Variants in MYLK observed in about 807,000 individuals in gnomAD.
MYLK encodes the protein myosin light chain kinase, smooth muscle.
MYLK carries 106 observed loss-of-function variants against 203.4 expected under a neutral mutation model. The ratio of observed to expected loss-of-function variants is 0.52; its 90% confidence interval spans 0.45 to 0.61. The LOEUF (loss-of-function observed/expected upper bound fraction) is 0.61. Ranked by LOEUF, MYLK falls within the 20% of genes least tolerant of loss-of-function variation. MYLK has a pLI of 0.00. For missense variants in MYLK, 2,072 were observed against 2,442.3 expected, an observed-to-expected ratio of 0.85 and a Z score of 3.20; for synonymous variants, 867 against 959.5, an observed-to-expected ratio of 0.90 and a Z score of 1.78.
At chr3:123,702,969 A>G (rs575961606) in intron 16 of MYLK, among the ~76,000 whole-genome samples, 18 of 152,302 alleles carry the variant, frequency 1.2e-4, no homozygotes, top group Admixed American at 1.0e-3. Context: ...CTGGTCTGGG[A>G]CATGTGTGTG....
In MYLK at chr3:123,614,241, C is replaced by A. The variant is rs759672855; in HGVS notation, c.5609G>T (p.Ser1870Ile). The A allele has an allele frequency of 6.2e-7, 1 of 1,614,122 alleles. No individual in the cohort carries two copies. The highest frequency in any genetic ancestry group is 2.2e-5 in the East Asian group (1 of 44,882). The change falls in exon 34 of 34, where the codon AGT becomes ATT. Residue 1870 changes from serine (S) to isoleucine (I), a missense_variant. By Grantham distance (142) the Ser-to-Ile change is moderately radical. Coordinates refer to ENST00000360304, the MANE Select transcript of MYLK (RefSeq NM_053025.4). ...GGCATCGTCATCCCCGCAAACATCA[C>A]TAATAATTAAAGAGCAGTTCCCGTC... is the stretch of plus-strand genomic sequence containing the variant. The part of the protein sequence containing the change: ...DEDGNCSLII[S>I]DVCGDDDAKY...
At chr3:123,777,775 C>T (rs1318640128) in intron 4 of MYLK, among the ~76,000 whole-genome samples, 2 of 152,182 alleles carry the variant, frequency 1.3e-5, no homozygotes, top group African/African-American at 4.8e-5. Context: ...CAAAAAGCAT[C>T]TCCTGCCACC....
chr3:123,655,398 T>C lies in MYLK; in HGVS notation c.4288+1728A>G, dbSNP rs115749780. On this transcript the variant is annotated intron_variant, in intron 24 of 33. Coordinates refer to ENST00000360304, the MANE Select transcript of MYLK (RefSeq NM_053025.4). The stretch of plus-strand genomic sequence containing the variant: ...GGTATTGACTTTCTCTACCACACTC[T>C]CTGTAACCTTATCAATGCCCATGGT... Among the ~76,000 whole-genome samples the C allele has an allele frequency of 6.3e-3, 963 of 152,300 alleles. 14 individuals are homozygous for C. The highest frequency in any genetic ancestry group is 0.021 in the African/African-American group (876 of 41,562).
At chr3:123,808,466 C>T (rs1021944869) in intron 3 of MYLK, among the ~76,000 whole-genome samples, 1 of 152,154 alleles carries the variant, frequency 6.6e-6, no homozygotes, top group Non-Finnish European at 1.5e-5. Context: ...TTTTATATTA[C>T]AACCAAAAAA....
chr3:123,798,224 T>C (rs2065061035), intron 3 of MYLK, among the ~76,000 whole-genome samples: 1 of 151,984 alleles, frequency 6.6e-6, no homozygotes. Flanking sequence ...GTCACACAGC[T>C]AAAAAGTGAA....
intron 12 of MYLK, among the ~76,000 whole-genome samples, chr3:123,723,712 G>C (rs1275948900): frequency 1.3e-5 from 2 of 152,212 alleles, no homozygotes; most frequent in African/African-American, 2.4e-5. Flanking sequence ...ACTAAAGTTA[G>C]CAGCCAAGGA....
At chr3:123,757,503 G>A (rs1203256435) in intron 4 of MYLK, among the ~76,000 whole-genome samples, 4 of 152,172 alleles carry the variant, frequency 2.6e-5, no homozygotes, top group African/African-American at 9.7e-5. Flanking sequence ...AGGAACTGAG[G>A]CTCTGCCCAC....
intron 19 of MYLK, among the ~76,000 whole-genome samples, chr3:123,688,281 T>C (rs1346127712): frequency 6.6e-6 from 1 of 152,138 alleles, no homozygotes; most frequent in Admixed American, 6.5e-5. Context: ...ACAGGACCGC[T>C]TGAGAGGTCA....
intron 3 of MYLK, among the ~76,000 whole-genome samples, chr3:123,794,329 G>A (rs891457124): frequency 1.3e-5 from 2 of 152,224 alleles, no homozygotes; most frequent in African/African-American, 4.8e-5. Flanking sequence ...CATACTCCAA[G>A]AGAGGAAGGT....
chr3:123,802,273 T>C (rs2065223269), intron 3 of MYLK, among the ~76,000 whole-genome samples: 2 of 152,248 alleles, frequency 1.3e-5, no homozygotes, highest in Non-Finnish European at 2.9e-5. Flanking sequence ...TTGAGTGACT[T>C]GGATCCAGGT....
chr3:123,738,982 C>G lies in MYLK; in HGVS notation c.503G>C (p.Gly168Ala). The G allele has an allele frequency of 6.2e-7, 1 of 1,613,686 alleles. No individual in the cohort carries two copies. The highest frequency in any genetic ancestry group is 8.5e-7 in the Non-Finnish European group (1 of 1,179,868). ...ECPPKFATKL[G>A]RVVVKEGQMG... ...CTGTCCTTCTTTGACCACAACTCGGCCCAGCTTGGTAGCAAACTTTGGTGG... is the reference window on the plus strand; with the variant it reads ...CTGTCCTTCTTTGACCACAACTCGGGCCAGCTTGGTAGCAAACTTTGGTGG... Residue 168 changes from glycine (G) to alanine (A), a missense_variant, in exon 7 of 34, where the codon GGC becomes GCC. Gly to Ala is a moderately conservative substitution (Grantham distance 60, BLOSUM62 0). Coordinates refer to ENST00000360304, the MANE Select transcript of MYLK (RefSeq NM_053025.4).
intron 13 of MYLK, among the ~76,000 whole-genome samples, chr3:123,721,151 T>C (rs1361453694): frequency 2.0e-5 from 3 of 152,250 alleles, no homozygotes; most frequent in East Asian, 1.9e-4. Context: ...TTTCTTCCCC[T>C]TTCCTTTTCT....
intron 2 of MYLK, among the ~76,000 whole-genome samples, chr3:123,837,487 A>C (rs2066500877): frequency 6.8e-6 from 1 of 147,446 alleles, no homozygotes; most frequent in South Asian, 2.1e-4. Flanking sequence ...ATTATATATA[A>C]TTATATATTA....
At chr3:123,792,631 T>C (rs2064824059) in intron 4 of MYLK, among the ~76,000 whole-genome samples, 1 of 152,196 alleles carries the variant, frequency 6.6e-6, no homozygotes, top group African/African-American at 2.4e-5. Context: ...CATTCCTTTT[T>C]ATAGTCATCT....
chr3:123,713,218 A>C (rs2061767216), intron 13 of MYLK, among the ~76,000 whole-genome samples: 1 of 152,186 alleles, frequency 6.6e-6, no homozygotes, highest in Non-Finnish European at 1.5e-5. Flanking sequence ...GGGAAGATGG[A>C]AATGATTGGG....
chr3:123,659,739 C>T (rs1560031262), intron 23 of MYLK: 2 of 515,074 alleles, frequency 3.9e-6, no homozygotes, highest in Admixed American at 1.9e-5. Context: ...AGCTTGTCCT[C>T]CACGGCGACA....
At chr3:123,657,458 C>T (rs2059424020) in intron 23 of MYLK, 30 bp from the exon 24 acceptor site, 4 of 1,610,344 alleles carry the variant, frequency 2.5e-6, no homozygotes, top group Non-Finnish European at 3.4e-6. Flanking sequence ...ACATCACCCA[C>T]ACTTTCCAGA....
intron 19 of MYLK, among the ~76,000 whole-genome samples, chr3:123,683,293 G>A (rs1208063611): frequency 4.6e-5 from 7 of 151,846 alleles, no homozygotes; most frequent in Non-Finnish European, 1.0e-4. Flanking sequence ...AAGTGGGGGT[G>A]GGGGTGGGTG....
chr3:123,850,040 C>T (rs907600584), intron 2 of MYLK, among the ~76,000 whole-genome samples: 4 of 152,098 alleles, frequency 2.6e-5, no homozygotes, highest in Admixed American at 6.6e-5. Context: ...GATGGTTTCC[C>T]GCTTCATCCA....
Sources: gnomAD v4.1 joint callset for allele counts (sites outside exome capture counted in the v4.1 genomes callset) on GRCh38, gnomAD v4.1.1 for gene constraint, MANE v1.5 for transcripts, NCBI Gene and HGNC (gene_info 2026-07-23, HGNC 2026-07-21) for gene names.